Variants in INPP4B observed in about 807,000 individuals in gnomAD.
INPP4B encodes inositol polyphosphate 4-phosphatase type II.
INPP4B carries 55 observed loss-of-function variants against 122.5 expected under a neutral mutation model. That is an observed-to-expected ratio of 0.45 (90% CI 0.36 to 0.56). INPP4B has a LOEUF of 0.56. INPP4B is among the 20% of genes least tolerant of loss of function. The pLI, the probability that INPP4B is intolerant of heterozygous loss-of-function variation, is 0.00. For synonymous variants in INPP4B, 403 were observed against 388.7 expected, an observed-to-expected ratio of 1.04 and a Z score of -0.43; for missense variants, 1,000 against 1,097.7, an observed-to-expected ratio of 0.91 and a Z score of 1.26.
chr4:142,534,444 C>T (rs1167943779), intron 2 of INPP4B, among the ~76,000 whole-genome samples: 1 of 152,046 alleles, frequency 6.6e-6, no homozygotes, highest in Non-Finnish European at 1.5e-5. Flanking sequence ...TACTTTCCAC[C>T]TTCTGCCATG....
chr4:142,650,542 TAA>T (rs551102046), intron 2 of INPP4B, among the ~76,000 whole-genome samples: 5 of 128,232 alleles, frequency 3.9e-5, no homozygotes, highest in African/African-American at 5.8e-5. Flanking sequence ...AAATGGAAAG[TAA>T]AAAAAAAAAA....
chr4:142,822,682 T>C (rs1475608683), intron 1 of INPP4B, among the ~76,000 whole-genome samples: 1 of 152,122 alleles, frequency 6.6e-6, no homozygotes, highest in African/African-American at 2.4e-5. Flanking sequence ...CCAAAAAGGA[T>C]AGGAACCACT....
At chr4:142,117,069 G>A (rs183979329) in intron 21 of INPP4B, among the ~76,000 whole-genome samples, 1 of 152,060 alleles carries the variant, frequency 6.6e-6, no homozygotes, top group Non-Finnish European at 1.5e-5. Context: ...TAGAAGAAAT[G>A]GATAAATTCC....
rs1906874 is a variant in INPP4B, at chr4:142,449,225, G to A, written c.-127+13438C>T. The stretch of plus-strand genomic sequence containing the variant: ...AGTTAGTGATGTTCTCCTCTTTACC[G>A]CGAGGAAGCAACACTGACAGCAAAC... On this transcript the variant is annotated intron_variant, in intron 3 of 25. Coordinates refer to ENST00000262992, the MANE Select transcript of INPP4B (RefSeq NM_001101669.3). 6.2e-3 allele frequency among the ~76,000 whole-genome samples: 950 copies of A among 152,204 alleles called. 14 individuals are homozygous for A. The highest frequency in any genetic ancestry group is 0.022 in the African/African-American group (894 of 41,522).
At chr4:142,651,487 GAAGAA>G (rs1752950014) in intron 2 of INPP4B, among the ~76,000 whole-genome samples, 2 of 151,976 alleles carry the variant, frequency 1.3e-5, no homozygotes, top group African/African-American at 4.8e-5. Context: ...GAATAATAAA[GAAGAA>G]AAGTGAGAAG....
intron 2 of INPP4B, among the ~76,000 whole-genome samples, chr4:142,485,968 A>G (rs1821144812): frequency 1.3e-5 from 2 of 152,102 alleles, no homozygotes; most frequent in Admixed American, 1.3e-4. Flanking sequence ...GACAGAGTGC[A>G]GGTAGATGTT....
chr4:142,752,343 T>C (rs1207235142), intron 1 of INPP4B, among the ~76,000 whole-genome samples: 1 of 152,124 alleles, frequency 6.6e-6, no homozygotes, highest in Non-Finnish European at 1.5e-5. Flanking sequence ...AATCCTCTCC[T>C]AAAGATCGGT....
intron 2 of INPP4B, among the ~76,000 whole-genome samples, chr4:142,555,743 C>G (rs562011583): frequency 6.6e-6 from 1 of 151,540 alleles, no homozygotes. Context: ...TGGTAGTGGG[C>G]GCCTGTAGTC....
At chr4:142,642,082 T>C (rs973221083) in intron 2 of INPP4B, among the ~76,000 whole-genome samples, 3 of 152,248 alleles carry the variant, frequency 2.0e-5, no homozygotes, top group African/African-American at 7.2e-5. Context: ...GAAGTGTCTG[T>C]TCATATCCTT....
intron 7 of INPP4B, among the ~76,000 whole-genome samples, chr4:142,365,051 C>A (rs1786926857): frequency 6.6e-6 from 1 of 152,062 alleles, no homozygotes; most frequent in Non-Finnish European, 1.5e-5. Flanking sequence ...ACAACTTCCC[C>A]ATGGATCAAG....
intron 8 of INPP4B, among the ~76,000 whole-genome samples, chr4:142,306,124 A>G (rs766542831): frequency 2.6e-5 from 4 of 151,908 alleles, no homozygotes; most frequent in Non-Finnish European, 5.9e-5. Context: ...ATTAAGTTAC[A>G]TTTTTTTAAA....
intron 12 of INPP4B, among the ~76,000 whole-genome samples, chr4:142,234,726 T>C (rs768237958): frequency 1.3e-5 from 2 of 152,208 alleles, no homozygotes; most frequent in Non-Finnish European, 2.9e-5. Flanking sequence ...TTTGTTTTTG[T>C]AGAATTAAAA....
intron 22 of INPP4B, among the ~76,000 whole-genome samples, chr4:142,110,584 G>A (rs1034868471): frequency 6.6e-6 from 1 of 152,080 alleles, no homozygotes; most frequent in African/African-American, 2.4e-5. Flanking sequence ...CAGAGAGTAA[G>A]CAATATGCTC....
chr4:142,068,449 T>C (rs1764946876), intron 25 of INPP4B, among the ~76,000 whole-genome samples: 1 of 152,102 alleles, frequency 6.6e-6, no homozygotes, highest in South Asian at 2.1e-4. Flanking sequence ...CCAGCTAACA[T>C]CATAATGACA....
At chr4:142,404,411 T>G (rs11939457) in intron 6 of INPP4B, among the ~76,000 whole-genome samples, 4 of 151,982 alleles carry the variant, frequency 2.6e-5, no homozygotes, top group African/African-American at 9.7e-5. Flanking sequence ...AAGTGTAGAT[T>G]ATACTTTCTC....
intron 2 of INPP4B, among the ~76,000 whole-genome samples, chr4:142,694,590 T>C (rs967705467): frequency 6.6e-6 from 1 of 152,202 alleles, no homozygotes; most frequent in African/African-American, 2.4e-5. Flanking sequence ...ACTTCTGTAA[T>C]ATTTTTTAGA....
intron 9 of INPP4B, among the ~76,000 whole-genome samples, chr4:142,298,468 C>T (rs995056189): frequency 1.3e-5 from 2 of 151,772 alleles, no homozygotes; most frequent in East Asian, 1.9e-4. Flanking sequence ...GGGTAGATCA[C>T]GAGGTCAGGA....
chr4:142,499,561 T>G (rs1164165434), intron 2 of INPP4B, among the ~76,000 whole-genome samples: 2 of 152,224 alleles, frequency 1.3e-5, no homozygotes, highest in Non-Finnish European at 2.9e-5. Context: ...TGCATTTTCT[T>G]GTGATTACAT....
rs1434700860 is a variant in INPP4B, at chr4:142,846,035, G to T, written c.-254+174C>A. On this transcript the variant is annotated intron_variant, in intron 1 of 25. Transcript: ENST00000262992. This position sits in a 1 kb window ranked among gnomAD's most constrained non-coding sequence, Gnocchi z 5.1. ...ACCCTTTAAGCTAAAGAGCTGGAGG[G>T]GTGATGGAGGCTGCAAGACGGAGAA... Among the ~76,000 whole-genome samples, 2 of 152,022 alleles carry T rather than the reference G, an allele frequency of 1.3e-5. No individual in the cohort carries two copies. The highest frequency in any genetic ancestry group is 2.9e-5 in the Non-Finnish European group (2 of 68,006).
Sources: gnomAD v4.1 joint callset for allele counts (sites outside exome capture counted in the v4.1 genomes callset) on GRCh38, gnomAD v4.1.1 for gene constraint, Gnocchi (gnomAD v3.1) non-coding constraint, MANE v1.5 for transcripts, NCBI Gene and HGNC (gene_info 2026-07-23, HGNC 2026-07-21) for gene names.